Variants in DKK2 observed in about 807,000 individuals in gnomAD.
The protein encoded by DKK2 is dickkopf-related protein 2.
A neutral mutation model predicts 28.1 loss-of-function variants in DKK2; 11 were observed. The observed-to-expected ratio is 0.39, with a 90% CI of 0.25 to 0.65. The LOEUF is 0.65. DKK2 is among the 30% of genes least tolerant of loss of function. The probability of loss-of-function intolerance (pLI) is 0.47; values close to 1 mark genes in which losing one functional copy is unlikely to be tolerated. For missense variants in DKK2, 326 were observed against 335.5 expected, an observed-to-expected ratio of 0.97 and a Z score of 0.22; for synonymous variants, 135 against 126.5, an observed-to-expected ratio of 1.07 and a Z score of -0.45.
At chr4:106,960,674 C>A (rs1166463378) in intron 1 of DKK2, among the ~76,000 whole-genome samples, 5 of 152,162 alleles carry the variant, frequency 3.3e-5, no homozygotes, top group African/African-American at 4.8e-5. Flanking sequence ...CTCTAAGACA[C>A]ACTGCCTGAA....
chr4:106,934,355 C>T (rs1015264396), intron 1 of DKK2, among the ~76,000 whole-genome samples: 4 of 152,104 alleles, frequency 2.6e-5, no homozygotes, highest in Non-Finnish European at 4.4e-5. Context: ...TGGTTTCATA[C>T]TAAGAGAGCT....
At chr4:106,986,624 C>A (rs1242024650) in intron 1 of DKK2, among the ~76,000 whole-genome samples, 5 of 152,122 alleles carry the variant, frequency 3.3e-5, no homozygotes, top group African/African-American at 9.7e-5. Flanking sequence ...TCTAGATTTT[C>A]TGTTACATGT....
intron 1 of DKK2, among the ~76,000 whole-genome samples, chr4:106,994,019 G>T (rs753593785): frequency 6.6e-6 from 1 of 152,074 alleles, no homozygotes; most frequent in African/African-American, 2.4e-5. Flanking sequence ...AAAAGCCTGC[G>T]GCATGATAAT....
chr4:107,035,304 C>A lies in DKK2; in HGVS notation c.222+66G>T. The A allele has an allele frequency of 8.3e-6, 13 of 1,571,670 alleles. No individual in the cohort carries two copies. In the South Asian group the frequency reaches 1.5e-4, roughly 18 times the overall value. ...GAATGTTGCAAGATGCAATGGCAAA[C>A]CGCTAGCCCAAGAGAGCTGGCCCCT... On this transcript the variant is annotated intron_variant, in intron 1 of 3. Transcript: ENST00000285311.
At chr4:106,942,188 A>C (rs778046797) in intron 1 of DKK2, among the ~76,000 whole-genome samples, 1 of 152,122 alleles carries the variant, frequency 6.6e-6, no homozygotes, top group Non-Finnish European at 1.5e-5. Flanking sequence ...AATGTGGTAC[A>C]TCTTGTGATG....
intron 1 of DKK2, among the ~76,000 whole-genome samples, chr4:106,964,960 T>TATAG (rs754515017): frequency 0.13 from 19,603 of 146,238 alleles, 1,504 homozygotes; most frequent in Admixed American, 0.18. Context: ...GATAGATAGA[T>TATAG]ATAGATAGAT....
chr4:106,952,174 A>G (rs1724868931), intron 1 of DKK2, among the ~76,000 whole-genome samples: 1 of 152,128 alleles, frequency 6.6e-6, no homozygotes, highest in Non-Finnish European at 1.5e-5. Context: ...TGAATTGCTA[A>G]GCTGTTCTTT....
intron 1 of DKK2, among the ~76,000 whole-genome samples, chr4:106,970,962 G>A (rs1053009232): frequency 2.6e-5 from 4 of 152,050 alleles, no homozygotes; most frequent in Non-Finnish European, 5.9e-5. Flanking sequence ...TACAATAACT[G>A]CTATTGTTAA....
At chr4:106,932,296 A>G (rs1292628868) in intron 1 of DKK2, among the ~76,000 whole-genome samples, 1 of 152,154 alleles carries the variant, frequency 6.6e-6, no homozygotes, top group East Asian at 1.9e-4. Flanking sequence ...AGCCTCTCCA[A>G]TGTATTCAGA....
intron 1 of DKK2, among the ~76,000 whole-genome samples, chr4:106,985,507 T>A (rs1431917740): frequency 6.6e-6 from 1 of 151,752 alleles, no homozygotes; most frequent in Non-Finnish European, 1.5e-5. Flanking sequence ...AAAAAAAAGT[T>A]TAACTAAAAT....
intron 1 of DKK2, among the ~76,000 whole-genome samples, chr4:106,984,017 G>C (rs1462050799): frequency 6.6e-6 from 1 of 152,140 alleles, no homozygotes; most frequent in Admixed American, 6.5e-5. Flanking sequence ...GAGGGGAATG[G>C]AAAATGGCAC....
chr4:106,945,774 C>G (rs1724767359), intron 1 of DKK2, among the ~76,000 whole-genome samples: 1 of 152,106 alleles, frequency 6.6e-6, no homozygotes, highest in Non-Finnish European at 1.5e-5. Context: ...AATATGTTTT[C>G]TATTGAGGAC....
At chr4:106,950,230 A>C (rs1270653330) in intron 1 of DKK2, among the ~76,000 whole-genome samples, 1 of 152,198 alleles carries the variant, frequency 6.6e-6, no homozygotes, top group African/African-American at 2.4e-5. Context: ...GAAAGTCTAC[A>C]AAAGCACTTG....
At chr4:106,956,532 T>G (rs1010976612) in intron 1 of DKK2, among the ~76,000 whole-genome samples, 17 of 152,322 alleles carry the variant, frequency 1.1e-4, no homozygotes, top group African/African-American at 3.4e-4. Flanking sequence ...CAAAACAGCA[T>G]GGTATTGTTA....
In DKK2 at chr4:106,983,337, G is replaced by GAAAGA. The variant is rs1723059615; in HGVS notation, c.222+52032_222+52033insTCTTT. ...AGAAAGAAGAAAGAAAGGAAGAAAG[G>GAAAGA]AAGAAAGAAAGAAAGAAAGAAAGAA... On this transcript the variant is annotated intron_variant, in intron 1 of 3. Coordinates refer to ENST00000285311, the MANE Select transcript of DKK2 (RefSeq NM_014421.3). 1.8e-4 allele frequency among the ~76,000 whole-genome samples: 22 copies of GAAAGA among 120,506 alleles called. No individual in the cohort carries two copies. In the South Asian group the frequency reaches 2.3e-3, roughly 13 times the overall value. 79.1% of individuals were successfully genotyped at this position (120,506 alleles called of 152,430 possible).
intron 1 of DKK2, among the ~76,000 whole-genome samples, chr4:106,948,901 A>G (rs1724818297): frequency 6.6e-6 from 1 of 152,174 alleles, no homozygotes; most frequent in Non-Finnish European, 1.5e-5. Context: ...GTCAGATTTC[A>G]TGCCAGTGTC....
intron 1 of DKK2, among the ~76,000 whole-genome samples, chr4:106,930,030 C>T (rs17037116): frequency 0.036 from 5,492 of 152,174 alleles, 111 homozygotes; most frequent in African/African-American, 0.052. Flanking sequence ...GGCCACATCT[C>T]TTTCTAGAAG....
At chr4:106,979,317 G>T (rs1185303014) in intron 1 of DKK2, among the ~76,000 whole-genome samples, 1 of 152,058 alleles carries the variant, frequency 6.6e-6, no homozygotes, top group Non-Finnish European at 1.5e-5. Flanking sequence ...AAAACTGACT[G>T]TAGGCTAACA....
chr4:107,006,997 CT>C (rs397973687), intron 1 of DKK2, among the ~76,000 whole-genome samples: 382 of 144,336 alleles, frequency 2.6e-3, no homozygotes, highest in African/African-American at 5.6e-3. Context: ...AAGAACAGTC[CT>C]TTTTTTTTTT....
Sources: gnomAD v4.1 joint callset for allele counts (sites outside exome capture counted in the v4.1 genomes callset) on GRCh38, gnomAD v4.1.1 for gene constraint, MANE v1.5 for transcripts, NCBI Gene and HGNC (gene_info 2026-07-23, HGNC 2026-07-21) for gene names.